CHCHD6: variants seen among roughly 807,000 people sequenced by gnomAD.
The protein encoded by CHCHD6 is MICOS complex subunit MIC25.
CHCHD6 carries 28 observed loss-of-function variants against 32.3 expected under a neutral mutation model. The observed-to-expected ratio is 0.87, with a 90% CI of 0.64 to 1.19. The LOEUF is 1.19. Among genes scored for constraint, CHCHD6 ranks in the 50% most tolerant of loss-of-function variants. The pLI, the probability that CHCHD6 is intolerant of heterozygous loss-of-function variation, is 0.00. For missense variants in CHCHD6, 333 were observed against 307.0 expected (o/e 1.08, Z -0.63); for synonymous variants, 122 against 117.5 (o/e 1.04, Z -0.25).
intron 1 of CHCHD6, among the ~76,000 whole-genome samples, chr3:126,708,535 G>T (rs1181070040): frequency 4.6e-5 from 7 of 151,710 alleles, no homozygotes; most frequent in African/African-American, 1.7e-4. Context: ...AAAACCAACA[G>T]TTGTAAGCCA....
chr3:126,870,547 G>C (rs570366006), intron 5 of CHCHD6, among the ~76,000 whole-genome samples: 2 of 152,068 alleles, frequency 1.3e-5, no homozygotes, highest in Non-Finnish European at 2.9e-5. Flanking sequence ...GCTGGATGGC[G>C]CTGTGCTGTG....
At position 126,738,040 on chromosome 3, in the gene CHCHD6, G is replaced by A. The variant is rs555609333; in HGVS notation, c.411+4818G>A. The stretch of plus-strand genomic sequence containing the variant: ...AAGATTTGGTAACAAGAGTGCTTCC[G>A]TCCCTGGATGTGCCCCTCTAACCTA... On this transcript the variant is annotated intron_variant, in intron 4 of 7. Transcript: ENST00000290913. Among the ~76,000 whole-genome samples the A allele has an allele frequency of 1.0e-3, 155 of 152,304 alleles. 1 individual carries two copies. In the Middle Eastern group the frequency reaches 0.014, roughly 13 times the overall value.
intron 6 of CHCHD6, chr3:126,957,045 C>T: frequency 3.4e-6 from 1 of 293,194 alleles, no homozygotes; most frequent in Non-Finnish European, 6.6e-6. Flanking sequence ...CTATCCTGGG[C>T]ACAGCGGGGC....
intron 4 of CHCHD6, among the ~76,000 whole-genome samples, chr3:126,743,185 C>T (rs999086341): frequency 1.1e-4 from 17 of 152,202 alleles, no homozygotes; most frequent in African/African-American, 3.9e-4. Flanking sequence ...ATTTCAGAAT[C>T]TCGCTGTTCT....
At chr3:126,840,652 G>A (rs907913206) in intron 4 of CHCHD6, among the ~76,000 whole-genome samples, 1 of 151,928 alleles carries the variant, frequency 6.6e-6, no homozygotes, top group African/African-American at 2.4e-5. Context: ...TCATGGATAG[G>A]TATATTTTCT....
chr3:126,790,577 C>A (rs1300472391), intron 4 of CHCHD6, among the ~76,000 whole-genome samples: 1 of 152,092 alleles, frequency 6.6e-6, no homozygotes, highest in Non-Finnish European at 1.5e-5. Context: ...TTCATTTGAT[C>A]TTCAATCATT....
chr3:126,926,390 A>G (rs1310199417), intron 6 of CHCHD6, among the ~76,000 whole-genome samples: 1 of 152,216 alleles, frequency 6.6e-6, no homozygotes, highest in Non-Finnish European at 1.5e-5. Flanking sequence ...CCCATGACAG[A>G]TGGTGAGTGC....
chr3:126,722,815 A>C (rs1247979928), intron 1 of CHCHD6, among the ~76,000 whole-genome samples: 2 of 152,140 alleles, frequency 1.3e-5, no homozygotes, highest in Non-Finnish European at 2.9e-5. Flanking sequence ...GAAAAAGTCC[A>C]ATTATTTATT....
intron 4 of CHCHD6, among the ~76,000 whole-genome samples, chr3:126,820,484 T>A (rs1940100565): frequency 6.6e-6 from 1 of 152,180 alleles, no homozygotes; most frequent in African/African-American, 2.4e-5. Context: ...AGGACAGTGT[T>A]CCTGGCTTTC....
chr3:126,884,892 G>A (rs1172636239), intron 5 of CHCHD6, among the ~76,000 whole-genome samples: 1 of 152,208 alleles, frequency 6.6e-6, no homozygotes, highest in Non-Finnish European at 1.5e-5. Flanking sequence ...CCCCTCTGGT[G>A]ACTGCCGACG....
At chr3:126,925,808 G>A (rs995873674) in intron 6 of CHCHD6, among the ~76,000 whole-genome samples, 5 of 152,242 alleles carry the variant, frequency 3.3e-5, no homozygotes, top group African/African-American at 1.2e-4. Context: ...GGAGGGCCTG[G>A]AGTGTATTTG....
intron 6 of CHCHD6, among the ~76,000 whole-genome samples, chr3:126,942,639 G>A (rs959929052): frequency 1.3e-5 from 2 of 151,948 alleles, no homozygotes; most frequent in Admixed American, 6.6e-5. Context: ...TCTAGCGCAA[G>A]GTGTTCAGGC....
chr3:126,790,050 T>C (rs1938446216), intron 4 of CHCHD6, among the ~76,000 whole-genome samples: 2 of 152,178 alleles, frequency 1.3e-5, no homozygotes. Flanking sequence ...CATTTGCTTG[T>C]CTGTAAAGGA....
At chr3:126,927,415 A>G (rs911745812) in intron 6 of CHCHD6, among the ~76,000 whole-genome samples, 3 of 152,172 alleles carry the variant, frequency 2.0e-5, no homozygotes, top group African/African-American at 7.2e-5. Flanking sequence ...TAAATGCTGA[A>G]GTGTGTGCAG....
At chr3:126,718,554 C>T (rs1182632854) in intron 1 of CHCHD6, among the ~76,000 whole-genome samples, 4 of 152,336 alleles carry the variant, frequency 2.6e-5, no homozygotes, top group Non-Finnish European at 4.4e-5. Flanking sequence ...TCCTGAGCTG[C>T]GCAGCAGCCA....
intron 5 of CHCHD6, among the ~76,000 whole-genome samples, chr3:126,862,339 T>A (rs1249622658): frequency 3.0e-4 from 29 of 98,258 alleles, no homozygotes; most frequent in African/African-American, 3.6e-4. Context: ...CACCATCACC[T>A]CCTCCTCCCC....
Position 126,799,642 on chromosome 3 carries a change from G to A in CHCHD6, c.412-53005G>A, listed in dbSNP as rs901914406. Among the ~76,000 whole-genome samples, 8 of 152,292 alleles carry A rather than the reference G, an allele frequency of 5.3e-5. No homozygotes were observed. The East Asian group carries it at 7.7e-4, about 15-fold the overall frequency. The stretch of plus-strand genomic sequence containing the variant: ...CCCCACATTCCTGGGTGTCTCTCGT[G>A]TACCCCACTGACAGTATCATAGCAT... On this transcript the variant is annotated intron_variant, in intron 4 of 7. Transcript: ENST00000290913.
intron 1 of CHCHD6, among the ~76,000 whole-genome samples, chr3:126,725,780 T>C (rs908355195): frequency 6.6e-6 from 1 of 152,246 alleles, no homozygotes; most frequent in African/African-American, 2.4e-5. Context: ...GTTATGGAGA[T>C]GGTGTCTTTA....
At chr3:126,956,519 T>C (rs1437822227) in intron 6 of CHCHD6, among the ~76,000 whole-genome samples, 1 of 152,178 alleles carries the variant, frequency 6.6e-6, no homozygotes, top group African/African-American at 2.4e-5. Flanking sequence ...GGAGCAGCAC[T>C]GAGCACGCCC....
Sources: gnomAD v4.1 joint callset for allele counts (sites outside exome capture counted in the v4.1 genomes callset) on GRCh38, gnomAD v4.1.1 for gene constraint, MANE v1.5 for transcripts, NCBI Gene and HGNC (gene_info 2026-07-23, HGNC 2026-07-21) for gene names.